SGCD: variants seen among roughly 807,000 people sequenced by gnomAD.
The protein encoded by SGCD is delta-sarcoglycan.
Under a neutral mutation model 36.6 loss-of-function variants are expected in SGCD, and 18 were observed. The ratio of observed to expected loss-of-function variants is 0.49; its 90% CI spans 0.34 to 0.73. The LOEUF (loss-of-function observed/expected upper bound fraction) is 0.73, where lower values mean the gene tolerates loss of function less well. Ranked by LOEUF, SGCD falls within the 30% of genes least tolerant of loss-of-function variation. The pLI, the probability that SGCD is intolerant of heterozygous loss-of-function variation, is 0.01. For synonymous variants in SGCD, 133 were observed against 130.6 expected, an observed-to-expected ratio of 1.02 and a Z score of -0.12; for missense variants, 387 against 346.7, an observed-to-expected ratio of 1.12 and a Z score of -0.92.
chr5:156,048,444 G>T (rs534091402), intron 1 of SGCD, among the ~76,000 whole-genome samples: 17,285 of 152,114 alleles, frequency 0.11, 2,772 homozygotes, highest in African/African-American at 0.36. Context: ...CACCAACAGT[G>T]TCAAAGTGTT....
At chr5:156,735,271 C>T (rs1756292170) in intron 7 of SGCD, among the ~76,000 whole-genome samples, 1 of 152,140 alleles carries the variant, frequency 6.6e-6, no homozygotes, top group African/African-American at 2.4e-5. Context: ...GGTCAGGGAC[C>T]TTCTGTGCTG....
At chr5:155,810,494 ATT>A in the SGCD span, among the ~76,000 whole-genome samples, 1 of 139,104 alleles carries the variant, frequency 7.2e-6, no homozygotes, top group African/African-American at 3.1e-5. Flanking sequence ...CAGTTACCAT[ATT>A]TATTTATTTA....
intron 1 of SGCD, among the ~76,000 whole-genome samples, chr5:155,975,909 C>T (rs1758104242): frequency 1.3e-5 from 2 of 151,718 alleles, no homozygotes; most frequent in African/African-American, 2.4e-5. Context: ...GGATTACAGG[C>T]GTGAGCCACT....
chr5:156,223,695 C>A (rs73300696), intron 3 of SGCD, among the ~76,000 whole-genome samples: 1 of 151,840 alleles, frequency 6.6e-6, no homozygotes, highest in African/African-American at 2.4e-5. Flanking sequence ...ATTAGTGATG[C>A]CTTAGAAGAG....
intron 3 of SGCD, 138 bp downstream of exon 3, chr5:156,344,815 C>G: frequency 1.6e-6 from 1 of 611,212 alleles, no homozygotes; most frequent in Non-Finnish European, 2.8e-6. Context: ...GGTGAAAGAG[C>G]ATTTCTGTTC....
chr5:156,297,962 G>A (rs1053340198), intron 3 of SGCD, among the ~76,000 whole-genome samples: 3 of 142,556 alleles, frequency 2.1e-5, no homozygotes, highest in African/African-American at 7.7e-5. Context: ...TCTGGTAACC[G>A]TCCTTCTACT....
intron 6 of SGCD, among the ~76,000 whole-genome samples, chr5:156,605,351 T>G (rs983502648): frequency 3.9e-5 from 6 of 152,216 alleles, no homozygotes; most frequent in Middle Eastern, 3.2e-3. Context: ...GTTTCCAGCT[T>G]CATCCATGTC....
Position 155,892,369 on chromosome 5 carries a change from C to T in SGCD, c.-282+21945C>T, listed in dbSNP as rs796742735. Among the ~76,000 whole-genome samples the T allele has an allele frequency of 3.4e-5, 5 of 147,156 alleles. No individual in the cohort carries two copies. The South Asian group carries it at 6.5e-4, about 19-fold the overall frequency. ...ATTTTGGAGGTTGAGGCAGTAGAAT[C>T]GCTTGAACACAGGAGGTGAAGGTTG... On this transcript the variant is annotated intron_variant, in intron 1 of 9. Coordinates refer to the SGCD transcript ENST00000517913.
intron 6 of SGCD, among the ~76,000 whole-genome samples, chr5:156,643,024 G>GTTT (rs201396237): frequency 9.0e-6 from 1 of 111,208 alleles, no homozygotes; most frequent in Non-Finnish European, 1.7e-5. Flanking sequence ...GGGGTTTTTT[G>GTTT]TTTTTTTTTT....
At chr5:156,459,344 G>C (rs1354858852) in intron 3 of SGCD, among the ~76,000 whole-genome samples, 2 of 152,134 alleles carry the variant, frequency 1.3e-5, no homozygotes, top group African/African-American at 4.8e-5. Flanking sequence ...TACTATCCCA[G>C]TCATTAAATC....
the SGCD span, among the ~76,000 whole-genome samples, chr5:155,750,683 T>C: frequency 6.6e-6 from 1 of 152,180 alleles, no homozygotes; most frequent in Non-Finnish European, 1.5e-5. Context: ...TACATTACAT[T>C]TAATAATGTT....
the SGCD span, among the ~76,000 whole-genome samples, chr5:155,774,541 C>T: frequency 6.6e-6 from 1 of 152,158 alleles, no homozygotes; most frequent in Non-Finnish European, 1.5e-5. Context: ...TCCTTCTGGA[C>T]ACTCTGAAGG....
intron 3 of SGCD, among the ~76,000 whole-genome samples, chr5:156,320,641 A>G (rs1767632930): frequency 6.6e-6 from 1 of 152,252 alleles, no homozygotes; most frequent in Admixed American, 6.5e-5. Flanking sequence ...TTTCAAATGT[A>G]TGAGTTCCTT....
At chr5:155,919,061 T>C (rs779861204) in intron 1 of SGCD, among the ~76,000 whole-genome samples, 2 of 152,248 alleles carry the variant, frequency 1.3e-5, no homozygotes, top group South Asian at 2.1e-4. Flanking sequence ...TTGACTCTTA[T>C]AAAACGCTAG....
chr5:156,164,590 T>TA (rs1394955827), intron 3 of SGCD, among the ~76,000 whole-genome samples: 3 of 152,250 alleles, frequency 2.0e-5, no homozygotes, highest in African/African-American at 7.2e-5. Context: ...GCCTCCCATT[T>TA]ATATTCATTT....
At chr5:155,932,712 T>A (rs1757122428) in intron 1 of SGCD, among the ~76,000 whole-genome samples, 1 of 152,230 alleles carries the variant, frequency 6.6e-6, no homozygotes, top group South Asian at 2.1e-4. Context: ...ATTCCCCTGA[T>A]TTAAATGTTA....
intron 3 of SGCD, among the ~76,000 whole-genome samples, chr5:156,258,172 G>A (rs1304874930): frequency 6.6e-6 from 1 of 152,086 alleles, no homozygotes; most frequent in Non-Finnish European, 1.5e-5. Context: ...ACAAAAGTTA[G>A]AATTTTAAGC....
intron 3 of SGCD, among the ~76,000 whole-genome samples, chr5:156,416,830 T>C (rs1008796595): frequency 7.9e-5 from 12 of 152,238 alleles, no homozygotes; most frequent in Non-Finnish European, 4.4e-5. Context: ...TGCACTAATT[T>C]CATCACAACC....
At chr5:156,653,300 CTT>C (rs1184382490) in intron 7 of SGCD, among the ~76,000 whole-genome samples, 2 of 3,840 alleles carry the variant, frequency 5.2e-4, no homozygotes, top group Non-Finnish European at 1.4e-3. Flanking sequence ...GGGGTTTCAA[CTT>C]CTTCCTGATT....
Sources: allele counts gnomAD v4.1 joint callset (sites outside exome capture counted in the v4.1 genomes callset), GRCh38; gene constraint gnomAD v4.1.1; transcripts MANE v1.5; gene names NCBI Gene and HGNC (gene_info 2026-07-23, HGNC 2026-07-21).